Variants in PRKG1 observed in about 807,000 individuals in gnomAD.
The protein encoded by PRKG1 is protein kinase cGMP-dependent 1.
Under a neutral mutation model 88.1 loss-of-function variants are expected in PRKG1, and 35 were observed. That is an observed-to-expected ratio of 0.40 (90% confidence interval 0.30 to 0.53). The LOEUF is 0.53. Ranked by LOEUF, PRKG1 falls within the 20% of genes least tolerant of loss-of-function variation. The probability of loss-of-function intolerance (pLI) is 0.59; values close to 1 mark genes in which losing one functional copy is unlikely to be tolerated. For synonymous variants in PRKG1, 303 were observed against 292.5 expected, an observed-to-expected ratio of 1.04 and a Z score of -0.37; for missense variants, 540 against 839.8, an observed-to-expected ratio of 0.64 and a Z score of 4.41.
chr10:51,995,460 A>T (rs1844416396), intron 5 of PRKG1, among the ~76,000 whole-genome samples: 1 of 152,232 alleles, frequency 6.6e-6, no homozygotes, highest in African/African-American at 2.4e-5. Context: ...GACATATAAG[A>T]TAGGCCAACC....
At chr10:52,000,211 T>G (rs922773944) in intron 5 of PRKG1, among the ~76,000 whole-genome samples, 1 of 152,024 alleles carries the variant, frequency 6.6e-6, no homozygotes, top group African/African-American at 2.4e-5. Flanking sequence ...CATTGTTTTA[T>G]GATAGGACAT....
At chr10:52,036,923 G>A (rs554958880) in intron 5 of PRKG1, among the ~76,000 whole-genome samples, 229 of 152,274 alleles carry the variant, frequency 1.5e-3, no homozygotes, top group African/African-American at 4.5e-3. Context: ...GGTAGCCTCC[G>A]TATTGATTAA....
At chr10:52,218,156 G>A (rs377004537) in intron 9 of PRKG1, among the ~76,000 whole-genome samples, 8 of 149,024 alleles carry the variant, frequency 5.4e-5, no homozygotes, top group African/African-American at 2.0e-4. Flanking sequence ...AGGTTACAGT[G>A]AGCCTAGATC....
intron 5 of PRKG1, among the ~76,000 whole-genome samples, chr10:52,003,936 T>C (rs74701075): frequency 0.01 from 1,554 of 152,304 alleles, 11 homozygotes; most frequent in Non-Finnish European, 0.016. Context: ...CCCTAGAAAG[T>C]CATTTAACCT....
chr10:51,090,166 C>G (rs1479356255), intron 1 of PRKG1, among the ~76,000 whole-genome samples: 1 of 152,150 alleles, frequency 6.6e-6, no homozygotes, highest in Non-Finnish European at 1.5e-5. Context: ...GCCCAGTGCT[C>G]AAAACATAGT....
intron 3 of PRKG1, among the ~76,000 whole-genome samples, chr10:51,627,879 C>CCCTTCCTTCCCTTCCTTCCCTCCTTCCCT (rs1839378720): frequency 4.2e-5 from 3 of 72,126 alleles, no homozygotes; most frequent in South Asian, 1.8e-3. Flanking sequence ...TCCTTCCCTT[C>CCCTTCCTTCCCTTCCTTCCCTCCTTCCCT]CCTTCCCTTC....
At chr10:51,407,605 A>G (rs1487749401) in intron 2 of PRKG1, among the ~76,000 whole-genome samples, 1 of 152,244 alleles carries the variant, frequency 6.6e-6, no homozygotes, top group African/African-American at 2.4e-5. Context: ...TCTACTACCC[A>G]TTCTGTATTG....
intron 5 of PRKG1, chr10:51,911,267 TG>T (rs1842209423): frequency 6.6e-6 from 1 of 151,996 alleles, no homozygotes; most frequent in South Asian, 2.1e-4. Flanking sequence ...CATTGTGTGT[TG>T]TTGTTTTTAA....
intron 3 of PRKG1, among the ~76,000 whole-genome samples, chr10:51,526,179 A>G (rs1277973904): frequency 1.3e-5 from 2 of 152,224 alleles, no homozygotes; most frequent in Non-Finnish European, 1.5e-5. Flanking sequence ...TGCTATAAGA[A>G]AAACATACAA....
intron 2 of PRKG1, among the ~76,000 whole-genome samples, chr10:51,353,730 C>G (rs1216600533): frequency 1.3e-5 from 2 of 152,136 alleles, no homozygotes; most frequent in Non-Finnish European, 2.9e-5. Flanking sequence ...CTATGGAGAA[C>G]AGTTTGAAGT....
intron 2 of PRKG1, among the ~76,000 whole-genome samples, chr10:51,389,566 C>CT (rs1837345019): frequency 6.6e-6 from 1 of 152,126 alleles, no homozygotes; most frequent in Admixed American, 6.6e-5. Context: ...TAGGTTTGCA[C>CT]TTTCACCCTT....
rs1564483266 is a variant in PRKG1 at position 51,412,215 on chromosome 10, A to AGAGAGAGAGAGAG, written c.479-55508_479-55507insGAGAGAGAGAGAG. On this transcript the variant is annotated intron_variant, in intron 2 of 17. Transcript: ENST00000373980. ...AGAGAGAGAGAGAGAGAGAGAGAGAAAGAAAGAGAGAAAGAATTGTTCAGA... is the reference window on the plus strand; with the variant it reads ...AGAGAGAGAGAGAGAGAGAGAGAGAAGAGAGAGAGAGAGAGAAAGAGAGAAAGAATTGTTCAGA... 6.8e-4 allele frequency among the ~76,000 whole-genome samples: 82 copies of AGAGAGAGAGAGAG among 120,234 alleles called. 1 individual carries two copies. The highest frequency in any genetic ancestry group is 4.2e-3 in the Middle Eastern group (1 of 238). 78.9% of individuals were successfully genotyped at this position (120,234 alleles called of 152,430 possible). A position where few individuals can be genotyped will look rare whatever the true frequency, so the allele number is the denominator to read the frequency against.
At chr10:51,334,911 C>A (rs989002685) in intron 2 of PRKG1, among the ~76,000 whole-genome samples, 1 of 151,174 alleles carries the variant, frequency 6.6e-6, no homozygotes, top group African/African-American at 2.4e-5. Flanking sequence ...AGATGTTTGC[C>A]TTTTCTATTA....
chr10:51,789,208 C>A (rs1266511891), intron 3 of PRKG1, among the ~76,000 whole-genome samples: 1 of 152,178 alleles, frequency 6.6e-6, no homozygotes. Flanking sequence ...GAGGTTCAAG[C>A]CAAAATCTGT....
chr10:51,706,755 G>A (rs1841614917), intron 3 of PRKG1, among the ~76,000 whole-genome samples: 1 of 152,074 alleles, frequency 6.6e-6, no homozygotes, highest in Non-Finnish European at 1.5e-5. Context: ...ACGTAATTTT[G>A]TGGCATTGTA....
At chr10:51,123,137 C>T (rs989464354) in intron 1 of PRKG1, among the ~76,000 whole-genome samples, 4 of 152,120 alleles carry the variant, frequency 2.6e-5, no homozygotes, top group African/African-American at 9.7e-5. Flanking sequence ...AATAATACAC[C>T]AAACTTGTTC....
At chr10:51,541,237 G>A (rs150122987) in intron 3 of PRKG1, among the ~76,000 whole-genome samples, 1 of 152,100 alleles carries the variant, frequency 6.6e-6, no homozygotes, top group Non-Finnish European at 1.5e-5. Flanking sequence ...TTCACAACAG[G>A]GTTCGCGCTC....
At position 51,544,024 on chromosome 10, in the gene PRKG1, C is replaced by T. The variant is rs181274412; in HGVS notation, c.592+76188C>T. Among the ~76,000 whole-genome samples, 172 of 152,196 alleles carry T rather than the reference C, an allele frequency of 1.1e-3. 1 individual carries two copies. The highest frequency in any genetic ancestry group is 3.7e-3 in the African/African-American group (154 of 41,544). ...TCTTCATGTCACACAATGGAAACAT[C>T]TGTAAAATACATGGATAAAATCAAC... On this transcript the variant is annotated intron_variant, in intron 3 of 17. Transcript: ENST00000373980.
chr10:51,288,296 C>A (rs766446654), intron 2 of PRKG1, among the ~76,000 whole-genome samples: 9 of 152,020 alleles, frequency 5.9e-5, no homozygotes, highest in Non-Finnish European at 7.4e-5. Context: ...TTTTAAACTT[C>A]TATTGTTATG....
Sources: gnomAD v4.1 joint callset for allele counts (sites outside exome capture counted in the v4.1 genomes callset) on GRCh38, gnomAD v4.1.1 for gene constraint, MANE v1.5 for transcripts, NCBI Gene and HGNC (gene_info 2026-07-23, HGNC 2026-07-21) for gene names.